GLCE: variants seen among roughly 807,000 people sequenced by gnomAD.
GLCE encodes the protein D-glucuronyl C5-epimerase.
A neutral mutation model predicts 47.9 loss-of-function variants in GLCE; 19 were observed. That is an observed-to-expected ratio of 0.40 (90% CI 0.28 to 0.58). The LOEUF is 0.58. GLCE is among the 20% of genes least tolerant of loss of function. The pLI, the probability that GLCE is intolerant of heterozygous loss-of-function variation, is 0.48. For missense variants in GLCE, 556 were observed against 743.3 expected, an observed-to-expected ratio of 0.75 and a Z score of 2.93; for synonymous variants, 245 against 263.4, an observed-to-expected ratio of 0.93 and a Z score of 0.68.
chr15:69,269,086 A>G lies in GLCE; in HGVS notation c.1696A>G (p.Met566Val), dbSNP rs137875799. Residue 566 changes from methionine to valine, a missense_variant, in exon 5 of 5, where the codon ATG (methionine) becomes GTG (valine). Met to Val is a conservative substitution (Grantham distance 21, BLOSUM62 1). Transcript: ENST00000261858. ...SGTIYDLRHFMLGIAPNLARW... is the reference protein window; with the variant it reads ...SGTIYDLRHFVLGIAPNLARW... ...AACCATCTATGACCTCCGTCACTTC[A>G]TGCTTGGCATCGCTCCTAACCTGGC... 7.4e-6 allele frequency: 12 copies of G among 1,614,038 alleles called. No homozygotes were observed. Among genetic ancestry groups the G allele is most frequent in the Middle Eastern group, 1.6e-4 (1 of 6,084 alleles).
chr15:69,166,781 G>T (rs924433025), intron 1 of GLCE, among the ~76,000 whole-genome samples: 1 of 151,398 alleles, frequency 6.6e-6, no homozygotes, highest in Non-Finnish European at 1.5e-5. Context: ...TTAGCCGGGC[G>T]TGGTGGCACA....
chr15:69,216,055 A>G (rs781691841), intron 2 of GLCE, among the ~76,000 whole-genome samples: 6 of 152,130 alleles, frequency 3.9e-5, no homozygotes, highest in Non-Finnish European at 8.8e-5. Context: ...TAACTATTCC[A>G]AGGGAAGGTA....
chr15:69,192,651 T>G (rs1396245890), intron 1 of GLCE, among the ~76,000 whole-genome samples: 1 of 152,170 alleles, frequency 6.6e-6, no homozygotes, highest in Non-Finnish European at 1.5e-5. Context: ...TTTGGTTGCA[T>G]TATTTTAAAG....
intron 1 of GLCE, among the ~76,000 whole-genome samples, chr15:69,161,629 T>G (rs1057159835): frequency 2.0e-5 from 3 of 152,182 alleles, no homozygotes; most frequent in Non-Finnish European, 4.4e-5. Context: ...GAAACGTTTT[T>G]GTTCAGGTCT....
At chr15:69,201,858 A>G (rs2052080013) in intron 1 of GLCE, among the ~76,000 whole-genome samples, 2 of 151,872 alleles carry the variant, frequency 1.3e-5, no homozygotes, top group Admixed American at 1.3e-4. Flanking sequence ...TTTCTTGGTA[A>G]AGACTCTAAA....
chr15:69,196,250 G>A (rs563827827), intron 1 of GLCE, among the ~76,000 whole-genome samples: 8 of 152,140 alleles, frequency 5.3e-5, no homozygotes, highest in Non-Finnish European at 1.0e-4. Flanking sequence ...GGAGTGTTAG[G>A]CTGGTGCAGA....
At chr15:69,185,425 T>C (rs2051807900) in intron 1 of GLCE, among the ~76,000 whole-genome samples, 1 of 152,178 alleles carries the variant, frequency 6.6e-6, no homozygotes, top group Non-Finnish European at 1.5e-5. Flanking sequence ...CTGTCAAAAG[T>C]TGCCTGAAGC....
Position 69,269,505 on chromosome 15 carries a change from C to T in GLCE, c.*261C>T, listed in dbSNP as rs2053135766. ...TGCTTCACTTTGCCTTGCCCATCACCCTATACAGTTTCGCAGATAGTCTAG... is the reference window on the plus strand; with the variant it reads ...TGCTTCACTTTGCCTTGCCCATCACTCTATACAGTTTCGCAGATAGTCTAG... On this transcript the variant is annotated 3_prime_UTR_variant, in exon 5 of 5. Transcript: ENST00000261858. The T allele has an allele frequency of 2.2e-6, 1 of 463,474 alleles. No homozygotes were observed. Among genetic ancestry groups the T allele is most frequent in the South Asian group, 3.3e-5 (1 of 30,338 alleles). The allele number at this position is 463,474 out of a possible 1,614,324, so 28.7% of individuals were successfully genotyped here. A position where few individuals can be genotyped will look rare whatever the true frequency, so the allele number is the denominator to read the frequency against.
At position 69,264,741 on chromosome 15, in the gene GLCE, A is replaced by G. The variant is rs1268727704; in HGVS notation, c.829+3412A>G. ...TTATGATAGTCATCCCAACAGGTGT[A>G]AGGTGATGATATATCATTGTGGTTT... On this transcript the variant is annotated intron_variant, in intron 4 of 4. Coordinates refer to ENST00000261858, the MANE Select transcript of GLCE (RefSeq NM_015554.3). Among the ~76,000 whole-genome samples the G allele has an allele frequency of 2.0e-5, 3 of 152,168 alleles. No homozygotes were observed. The East Asian group carries it at 5.8e-4, about 29-fold the overall frequency.
chr15:69,197,859 T>C (rs530483157), intron 1 of GLCE, among the ~76,000 whole-genome samples: 2 of 152,226 alleles, frequency 1.3e-5, no homozygotes, highest in East Asian at 3.9e-4. Context: ...TGGTTCTATG[T>C]TTAATGTGAC....
chr15:69,236,736 G>A lies in GLCE; in HGVS notation c.-13-19058G>A, dbSNP rs559084755. 3.3e-5 allele frequency among the ~76,000 whole-genome samples: 5 copies of A among 152,314 alleles called. No homozygotes were observed. In the South Asian group the frequency reaches 1.0e-3, roughly 32 times the overall value. On this transcript the variant is annotated intron_variant, in intron 2 of 4. Coordinates refer to ENST00000261858, the MANE Select transcript of GLCE (RefSeq NM_015554.3). The stretch of plus-strand genomic sequence containing the variant: ...TGTGAGCTAGATAGTACTAGTGCTA[G>A]TGTACTAATGAGAAAACCGTGATTC...
In GLCE at chr15:69,256,147, A is replaced by T. The variant is rs2052920790; in HGVS notation, c.341A>T (p.Glu114Val). Residue 114 changes from glutamate to valine, a missense_variant, in exon 3 of 5, where the codon GAA becomes GTA. Coordinates refer to ENST00000261858, the MANE Select transcript of GLCE (RefSeq NM_015554.3). The stretch of plus-strand genomic sequence containing the variant: ...GAAATTGACTGTCTCATAAATGATG[A>T]ACACACAATTAAAGGGAGACGAGAG... ...YEEIDCLIND[E>V]HTIKGRREGN... 6.2e-7 allele frequency: 1 copy of T among 1,613,878 alleles called. No individual in the cohort carries two copies. The highest frequency in any genetic ancestry group is 8.5e-7 in the Non-Finnish European group (1 of 1,179,860).
At chr15:69,212,453 C>T (rs1483090326) in intron 2 of GLCE, among the ~76,000 whole-genome samples, 1 of 151,820 alleles carries the variant, frequency 6.6e-6, no homozygotes, top group African/African-American at 2.4e-5. Flanking sequence ...TAAAATATTT[C>T]ATTATAAAAT....
chr15:69,257,321 GATAAATTTTTTATA>G (rs1290954221), intron 3 of GLCE, among the ~76,000 whole-genome samples: 1 of 151,882 alleles, frequency 6.6e-6, no homozygotes, highest in African/African-American at 2.4e-5. Flanking sequence ...TTACTACTTA[GATAAATTTTTTATA>G]ATATCTTTTT....
At chr15:69,265,508 G>A (rs905487440) in intron 4 of GLCE, among the ~76,000 whole-genome samples, 3 of 152,104 alleles carry the variant, frequency 2.0e-5, no homozygotes, top group Admixed American at 2.0e-4. Flanking sequence ...TTTAAATTGA[G>A]GATTGTGACT....
At position 69,220,290 on chromosome 15, in the gene GLCE, G is replaced by A. The variant is rs185546753; in HGVS notation, c.-14+9884G>A. On this transcript the variant is annotated intron_variant, in intron 2 of 4. Coordinates refer to ENST00000261858, the MANE Select transcript of GLCE (RefSeq NM_015554.3). ...TCTGTTTTTAAATTTTTGAGAAACA[G>A]TCATACTGTTTTTCCAGAGTGGCTG... 1.8e-3 allele frequency among the ~76,000 whole-genome samples: 274 copies of A among 152,206 alleles called. 1 individual carries two copies. Among genetic ancestry groups the A allele is most frequent in the Non-Finnish European group, 3.3e-3 (225 of 67,964 alleles).
At chr15:69,225,401 A>G (rs1338345379) in intron 2 of GLCE, among the ~76,000 whole-genome samples, 1 of 152,182 alleles carries the variant, frequency 6.6e-6, no homozygotes, top group African/African-American at 2.4e-5. Flanking sequence ...TCAATTAAAT[A>G]TGGTCTTATA....
intron 3 of GLCE, chr15:69,260,863 G>C (rs1226454787): frequency 2.1e-6 from 1 of 486,444 alleles, no homozygotes; most frequent in African/African-American, 1.9e-5. Flanking sequence ...TGCACTATTT[G>C]TTAACAAATA....
chr15:69,248,418 G>T (rs78259187), intron 2 of GLCE, among the ~76,000 whole-genome samples: 18,637 of 152,046 alleles, frequency 0.12, 1,209 homozygotes, highest in East Asian at 0.16. Flanking sequence ...TTTTTATTTG[G>T]ATTACAATTT....
Sources: gnomAD v4.1 joint callset for allele counts (sites outside exome capture counted in the v4.1 genomes callset) on GRCh38, gnomAD v4.1.1 for gene constraint, MANE v1.5 for transcripts, NCBI Gene and HGNC (gene_info 2026-07-23, HGNC 2026-07-21) for gene names.